Variants in SCN3A observed in about 807,000 individuals in gnomAD.
SCN3A encodes the protein sodium voltage-gated channel alpha subunit 3.
In SCN3A, 60 loss-of-function variants were observed where a neutral mutation model predicts 187.6. The ratio of observed to expected loss-of-function variants is 0.32; its 90% CI spans 0.26 to 0.40. The LOEUF (loss-of-function observed/expected upper bound fraction) is 0.40. SCN3A is among the 10% of genes least tolerant of loss of function. The pLI, the probability that SCN3A is intolerant of heterozygous loss-of-function variation, is 1.00. For synonymous variants in SCN3A, 788 were observed against 829.2 expected (o/e 0.95, Z 0.85); for missense variants, 1,601 against 2,428.2 (o/e 0.66, Z 7.16).
At chr2:165,143,859 T>C (rs987376811) in intron 12 of SCN3A, among the ~76,000 whole-genome samples, 2 of 152,098 alleles carry the variant, frequency 1.3e-5, no homozygotes, top group Non-Finnish European at 2.9e-5. Context: ...TTGGGAAAAG[T>C]CAAGATGGAA....
rs374716642 is a variant in SCN3A at position 165,162,668 on chromosome 2, A to G, written c.855T>C (p.Ser285=). 6.2e-7 allele frequency: 1 copy of G among 1,614,098 alleles called. No individual in the cohort carries two copies. The highest frequency in any genetic ancestry group is 1.3e-5 in the African/African-American group (1 of 74,936). The change falls in exon 8 of 28, where the codon TCT becomes TCC. Residue 285 remains serine, a synonymous_variant. Coordinates refer to ENST00000283254, the MANE Select transcript of SCN3A (RefSeq NM_006922.4). ...NKCLQWPPSD[S]AFETNTTSYF... ...AGGAAGTGGTGTTGGTTTCAAAAGC[A>G]GAATCGCTTGGGGGCCACTGCAAAC... is the stretch of plus-strand genomic sequence containing the variant.
At position 165,092,224 on chromosome 2, in the gene SCN3A, T is replaced by C. The variant is rs1365213863; in HGVS notation, c.4807+30A>G. ...CCTGGGGCAACTGTTTCTCTGTAAC[T>C]ATACCTCTTGGTAATTAAGCTGTTC... On this transcript the variant is annotated intron_variant, in intron 27 of 27. Coordinates refer to ENST00000283254, the MANE Select transcript of SCN3A (RefSeq NM_006922.4). This position sits in a 1 kb window ranked among gnomAD's most constrained non-coding sequence, Gnocchi z 4.2. 3 of 1,610,002 alleles carry C rather than the reference T, an allele frequency of 1.9e-6. No individual in the cohort carries two copies. The highest frequency in any genetic ancestry group is 1.7e-6 in the Non-Finnish European group (2 of 1,176,348).
At chr2:165,163,979 C>T (rs768353795) in intron 6 of SCN3A, 3 of 1,246,068 alleles carry the variant, frequency 2.4e-6, no homozygotes, top group Non-Finnish European at 3.5e-6. Flanking sequence ...ACATAGAGCC[C>T]TGTGAGTTTA....
At chr2:165,144,489 C>G (rs1283133621) in intron 12 of SCN3A, among the ~76,000 whole-genome samples, 3 of 152,140 alleles carry the variant, frequency 2.0e-5, no homozygotes, top group African/African-American at 7.2e-5. Context: ...CCAAGTCTAC[C>G]AGTTGCTTCT....
intron 3 of SCN3A, among the ~76,000 whole-genome samples, chr2:165,172,361 A>T (rs768983792): frequency 1.3e-5 from 2 of 152,176 alleles, no homozygotes; most frequent in Non-Finnish European, 2.9e-5. Flanking sequence ...AAATGTGAAT[A>T]GTTTTATGAA....
chr2:165,169,804 A>G (rs1035367431), intron 4 of SCN3A, among the ~76,000 whole-genome samples: 8 of 151,936 alleles, frequency 5.3e-5, no homozygotes, highest in African/African-American at 1.7e-4. Flanking sequence ...TTGAAATCCA[A>G]ACATATTCTG....
intron 22 of SCN3A, among the ~76,000 whole-genome samples, chr2:165,099,856 T>G (rs1229782386): frequency 1.3e-5 from 2 of 152,244 alleles, no homozygotes; most frequent in Admixed American, 6.5e-5. Context: ...TGCAATAATT[T>G]TTATTACTGA....
At chr2:165,162,208 A>T in intron 9 of SCN3A, 100 bp downstream of exon 9, 2 of 1,103,672 alleles carry the variant, frequency 1.8e-6, no homozygotes, top group Non-Finnish European at 2.7e-6. Flanking sequence ...TTTATTGCAT[A>T]CATGGTAAGG....
chr2:165,114,260 T>G (rs1686254150), intron 19 of SCN3A, among the ~76,000 whole-genome samples: 1 of 152,204 alleles, frequency 6.6e-6, no homozygotes, highest in Non-Finnish European at 1.5e-5. Context: ...AGGCCATTGA[T>G]GAAAATAGTC....
chr2:165,139,627 T>G lies in SCN3A; in HGVS notation c.2020-19A>C. 1 of 1,613,642 alleles carries G rather than the reference T, an allele frequency of 6.2e-7. No homozygotes were observed. Among genetic ancestry groups the G allele is most frequent in the South Asian group, 1.1e-5 (1 of 91,080 alleles). ...TGGTGCCCTGCAAACCAAATACTGA[T>G]GGCTCAAACCACTCTTCCCAATAAG... On this transcript the variant is annotated intron_variant, in intron 13 of 27. Coordinates refer to ENST00000283254, the MANE Select transcript of SCN3A (RefSeq NM_006922.4).
At chr2:165,125,234 T>A in intron 18 of SCN3A, among the ~76,000 whole-genome samples, 1 of 152,206 alleles carries the variant, frequency 6.6e-6, no homozygotes, top group East Asian at 1.9e-4. Context: ...ATTTCAATTT[T>A]ATCTCTTCCA....
intron 18 of SCN3A, among the ~76,000 whole-genome samples, chr2:165,126,223 C>T (rs1574154466): frequency 6.6e-6 from 1 of 152,192 alleles, no homozygotes; most frequent in East Asian, 1.9e-4. Flanking sequence ...GCTAGACTTA[C>T]TTTGTACTCA....
intron 1 of SCN3A, among the ~76,000 whole-genome samples, chr2:165,190,850 A>G (rs1691556517): frequency 6.6e-6 from 1 of 151,760 alleles, no homozygotes; most frequent in Admixed American, 6.6e-5. Flanking sequence ...AGTTTCATCA[A>G]CCTAGTTTAA....
chr2:165,094,247 A>T (rs1685250553), intron 26 of SCN3A, 127 bp downstream of exon 26: 7 of 797,646 alleles, frequency 8.8e-6, no homozygotes, highest in South Asian at 8.4e-5. Flanking sequence ...ATGATGCAAA[A>T]TATGAACTTT....
Position 165,140,508 on chromosome 2 carries a change from G to A in SCN3A, c.2019+143C>T. On this transcript the variant is annotated intron_variant, in intron 13 of 27. Transcript: ENST00000283254. This position sits in a 1 kb window ranked among gnomAD's most constrained non-coding sequence, Gnocchi z 4.2. ...TTCAATTGATTCTCAATATTCTATT[G>A]TTTTCCCTTTGATTAATCATGTATT... 8 of 729,646 alleles carry A rather than the reference G, an allele frequency of 1.1e-5. No individual in the cohort carries two copies. In the South Asian group the frequency reaches 1.3e-4, roughly 12 times the overall value. 45.2% of individuals were successfully genotyped at this position (729,646 alleles called of 1,614,324 possible).
chr2:165,163,527 T>C (rs1038059823), intron 7 of SCN3A, 91 bp downstream of exon 7: 2 of 1,419,578 alleles, frequency 1.4e-6, no homozygotes, highest in African/African-American at 2.8e-5. Flanking sequence ...TGAACTGTAA[T>C]AATAAGCAAC....
chr2:165,162,312 C>A lies in SCN3A; in HGVS notation c.1027G>T (p.Ala343Ser), dbSNP rs755224774. 10 of 1,612,312 alleles carry A rather than the reference C, an allele frequency of 6.2e-6. No homozygotes were observed. Among genetic ancestry groups the A allele is most frequent in the African/African-American group, 1.3e-5 (1 of 74,700 alleles). The change falls in exon 9 of 28, where the codon GCA becomes TCA. Residue 343 changes from alanine to serine, a missense_variant. Transcript: ENST00000283254. ...DPLLCGNGSD[A>S]GQCPEGYICV... ...AAAATATATTATGTTTCTTACCCTG[C>A]ATCTGAGCCATTTCCACAGAGTAAA... is the stretch of plus-strand genomic sequence containing the variant.
At chr2:165,192,894 A>G (rs138049947) in intron 1 of SCN3A, among the ~76,000 whole-genome samples, 3 of 152,250 alleles carry the variant, frequency 2.0e-5, no homozygotes, top group South Asian at 2.1e-4. Flanking sequence ...CAATTGCCCA[A>G]ACAAATCTTG....
At chr2:165,161,739 T>A (rs1158322119) in intron 9 of SCN3A, among the ~76,000 whole-genome samples, 2 of 152,210 alleles carry the variant, frequency 1.3e-5, no homozygotes, top group Non-Finnish European at 2.9e-5. Context: ...CATCTTTTGT[T>A]GTAACGTGTG....
Sources: gnomAD v4.1 joint callset for allele counts (sites outside exome capture counted in the v4.1 genomes callset) on GRCh38, gnomAD v4.1.1 for gene constraint, Gnocchi (gnomAD v3.1) non-coding constraint, MANE v1.5 for transcripts, NCBI Gene and HGNC (gene_info 2026-07-23, HGNC 2026-07-21) for gene names.